The following MADD variants were observed in gnomAD, a reference collection of about 807,000 sequenced individuals.
MADD encodes the protein MAP kinase-activating death domain protein.
MADD carries 109 observed loss-of-function variants against 176.7 expected under a neutral mutation model. That is an observed-to-expected ratio of 0.62 (90% CI 0.53 to 0.72). The LOEUF is 0.72. Ranked by LOEUF, MADD falls within the 30% of genes least tolerant of loss-of-function variation. The pLI is 0.00. For synonymous variants in MADD, 771 were observed against 771.3 expected (o/e 1.00, Z 0.01); for missense variants, 1,914 against 2,045.5 (o/e 0.94, Z 1.24).
intron 22 of MADD, among the ~76,000 whole-genome samples, chr11:47,297,061 C>T (rs1313145788): frequency 6.6e-6 from 1 of 152,178 alleles, no homozygotes; most frequent in Admixed American, 6.5e-5. Flanking sequence ...TGTGCCCAGC[C>T]TCTGCTTTTT....
exon 9 of MADD, chr11:47,282,513 G>A (rs375285005): frequency 4.7e-5 from 76 of 1,614,040 alleles, no homozygotes; most frequent in Admixed American, 1.0e-4. Context: ...CACGTCCCCG[G>A]CAGACTCCTT....
At chr11:47,287,695 C>T (rs1410013318) in intron 15 of MADD, among the ~76,000 whole-genome samples, 3 of 151,948 alleles carry the variant, frequency 2.0e-5, no homozygotes, top group Non-Finnish European at 4.4e-5. Flanking sequence ...CAGGTGTGAG[C>T]CACTGCACCT....
exon 31 of MADD, chr11:47,326,785 C>T (rs1445082707): frequency 6.2e-6 from 10 of 1,614,102 alleles, no homozygotes; most frequent in South Asian, 1.1e-5. Flanking sequence ...CAGTTCGAGG[C>T]GTCTTTGTCC....
chr11:47,282,197 T>G (rs1423784408), intron 8 of MADD, among the ~76,000 whole-genome samples, 184 bp from the exon 9 acceptor site: 2 of 152,088 alleles, frequency 1.3e-5, no homozygotes, highest in Non-Finnish European at 2.9e-5. Flanking sequence ...CTTAGTAAAA[T>G]CAAAGTGAAG....
intron 22 of MADD, among the ~76,000 whole-genome samples, chr11:47,299,205 A>T (rs1258304545): frequency 6.6e-6 from 1 of 152,114 alleles, no homozygotes; most frequent in East Asian, 1.9e-4. Context: ...TTCTGTGAAG[A>T]ATACCGTTGG....
At chr11:47,299,731 T>C (rs2076191501) in intron 22 of MADD, among the ~76,000 whole-genome samples, 1 of 133,606 alleles carries the variant, frequency 7.5e-6, no homozygotes, top group Admixed American at 7.5e-5. Context: ...GGTGTTGCCA[T>C]GTTGCCCAGG....
At chr11:47,288,076 C>T (rs1435490885) in intron 15 of MADD, among the ~76,000 whole-genome samples, 11 of 152,156 alleles carry the variant, frequency 7.2e-5, no homozygotes, top group Non-Finnish European at 1.3e-4. Flanking sequence ...CGTGAGCCAC[C>T]GCACCTGGCC....
At chr11:47,289,311 C>A in intron 15 of MADD, 80 bp from the exon 17 acceptor site, 1 of 1,195,150 alleles carries the variant, frequency 8.4e-7, no homozygotes, top group Non-Finnish European at 1.2e-6. Context: ...GGGCATGGAA[C>A]ATGGCTACTT....
Position 47,286,317 on chromosome 11 carries a change from C to T in MADD, c.2552-116C>T, listed in dbSNP as rs988316248. ...AAGACAGATCAGAGATGATCTGATC[C>T]ACCAAACTGGGATTGTGTTTGAAAA... On this transcript the variant is annotated intron_variant, in intron 14 of 32. Coordinates refer to ENST00000402192, the Ensembl canonical transcript of MADD. The T allele has an allele frequency of 1.1e-4, 81 of 736,708 alleles. No homozygotes were observed. The South Asian group carries it at 1.1e-3, about 10-fold the overall frequency. The allele number at this position is 736,708 out of a possible 1,614,324, so 45.6% of individuals were successfully genotyped here.
At chr11:47,301,258 G>C (rs899828570) in intron 22 of MADD, among the ~76,000 whole-genome samples, 1 of 151,754 alleles carries the variant, frequency 6.6e-6, no homozygotes, top group Non-Finnish European at 1.5e-5. Flanking sequence ...GATTACAGGT[G>C]CCCACCACCA....
At position 47,290,118 on chromosome 11, in the gene MADD, G is replaced by T. The variant is rs543405864; in HGVS notation, c.2944-31G>T. 1.9e-6 allele frequency: 3 copies of T among 1,612,478 alleles called. No individual in the cohort carries two copies. In the African/African-American group the frequency reaches 4.0e-5, roughly 21 times the overall value. ...GGGATGTGAACACCACAGGCAATTT[G>T]CCAACGCTAGCCCCTGGGTTATTGT... On this transcript the variant is annotated intron_variant, in intron 17 of 32. Transcript: ENST00000402192.
At chr11:47,303,084 A>G (rs2079199045) in intron 22 of MADD, among the ~76,000 whole-genome samples, 2 of 151,814 alleles carry the variant, frequency 1.3e-5, no homozygotes, top group South Asian at 4.2e-4. Context: ...CTGAAGCACA[A>G]CTTTGCTGGG....
At chr11:47,270,476 C>T (rs945099832) in intron 1 of MADD, among the ~76,000 whole-genome samples, 2 of 83,840 alleles carry the variant, frequency 2.4e-5, no homozygotes, top group Admixed American at 1.8e-4. Flanking sequence ...TCCTGCCGAG[C>T]GGGCGGCTCG....
At chr11:47,294,030 T>C (rs916826255) in intron 20 of MADD, 47 bp downstream of exon 22, 29 of 1,382,188 alleles carry the variant, frequency 2.1e-5, no homozygotes, top group Non-Finnish European at 2.9e-5. Context: ...ATATGCTGTC[T>C]CAGAATACTT....
At chr11:47,298,070 G>T (rs1258142967) in intron 22 of MADD, among the ~76,000 whole-genome samples, 3 of 152,108 alleles carry the variant, frequency 2.0e-5, no homozygotes, top group Admixed American at 6.6e-5. Flanking sequence ...TTACAGGCAT[G>T]AGCCACCGCG....
intron 22 of MADD, among the ~76,000 whole-genome samples, chr11:47,297,997 C>T (rs976954089): frequency 6.6e-6 from 1 of 151,780 alleles, no homozygotes; most frequent in African/African-American, 2.4e-5. Context: ...ACCGTGTTAG[C>T]CAGGATGGTA....
In MADD at chr11:47,296,124, T is replaced by G. The variant is rs912821159; in HGVS notation, c.3642+69T>G. 5.9e-5 allele frequency: 92 copies of G among 1,554,080 alleles called. 1 individual carries two copies. Among genetic ancestry groups the G allele is most frequent in the Non-Finnish European group, 7.6e-5 (86 of 1,137,330 alleles). ...GGGAGGGAAGCAGGCAAGAAAAGAA[T>G]GAAAGTTAAGAGACGCTAAAGAGGT... is the stretch of plus-strand genomic sequence containing the variant. On this transcript the variant is annotated intron_variant, in intron 22 of 32. Transcript: ENST00000402192.
chr11:47,309,421 A>G lies in MADD; in HGVS notation c.3872+20A>G, dbSNP rs765505198. 1 of 1,614,060 alleles carries G rather than the reference A, an allele frequency of 6.2e-7. No homozygotes were observed. The highest frequency in any genetic ancestry group is 1.1e-5 in the South Asian group (1 of 91,076). On this transcript the variant is annotated intron_variant, in intron 24 of 32. Coordinates refer to ENST00000402192, the Ensembl canonical transcript of MADD. ...CGACAGGTATGGGGCTTAGGAAACC[A>G]TTGGGAATCAGCAAACTCAGCCTCC...
chr11:47,288,636 A>T (rs1025832281), intron 15 of MADD, among the ~76,000 whole-genome samples: 4 of 152,164 alleles, frequency 2.6e-5, no homozygotes, highest in African/African-American at 9.7e-5. Flanking sequence ...GCTTCCCTGC[A>T]CATACCCTCA....
Sources: gnomAD v4.1 joint callset for allele counts (sites outside exome capture counted in the v4.1 genomes callset) on GRCh38, gnomAD v4.1.1 for gene constraint, MANE v1.5 for transcripts, NCBI Gene and HGNC (gene_info 2026-07-23, HGNC 2026-07-21) for gene names.